RBFOX1: variants seen among roughly 807,000 people sequenced by gnomAD.
RBFOX1 encodes RNA binding protein fox-1 homolog 1.
In RBFOX1, 8 loss-of-function variants were observed where a neutral mutation model predicts 57.7. The observed-to-expected ratio is 0.14, with a 90% CI of 0.08 to 0.25. The LOEUF (loss-of-function observed/expected upper bound fraction) is 0.25, where lower values mean the gene tolerates loss of function less well. Among genes scored for constraint, RBFOX1 ranks in the 10% least tolerant of loss-of-function variants. RBFOX1 has a pLI of 1.00. For missense variants in RBFOX1, 611 were observed against 548.5 expected (o/e 1.11, Z -1.14); for synonymous variants, 326 against 222.4 (o/e 1.47, Z -4.15).
intron 4 of RBFOX1, among the ~76,000 whole-genome samples, chr16:7,138,553 C>T (rs557031918): frequency 1.3e-5 from 2 of 152,248 alleles, no homozygotes; most frequent in African/African-American, 2.4e-5. Flanking sequence ...TATTGTGAAA[C>T]AACGTTAATT....
At chr16:7,200,019 A>G (rs543766465) in intron 4 of RBFOX1, among the ~76,000 whole-genome samples, 3 of 152,376 alleles carry the variant, frequency 2.0e-5, no homozygotes, top group Admixed American at 6.5e-5. Flanking sequence ...GATAGTCACA[A>G]TCATAGAGCC....
intron 6 of RBFOX1, among the ~76,000 whole-genome samples, chr16:7,582,540 AC>A (rs2093853122): frequency 6.6e-6 from 1 of 152,154 alleles, no homozygotes; most frequent in Admixed American, 6.5e-5. Context: ...GTTATAGGAT[AC>A]ATTTAGTGGC....
intron 3 of RBFOX1, among the ~76,000 whole-genome samples, chr16:6,923,637 G>T (rs1371184631): frequency 6.6e-6 from 1 of 152,144 alleles, no homozygotes; most frequent in Non-Finnish European, 1.5e-5. Flanking sequence ...CAGCAGGGGA[G>T]CATGGAAGAT....
At chr16:6,017,987 T>A (rs536495735), upstream of RBFOX1, among the ~76,000 whole-genome samples, 2 of 152,318 alleles carry the variant, frequency 1.3e-5, no homozygotes, top group African/African-American at 2.4e-5. Flanking sequence ...CCTTGTCCAA[T>A]GCCACCTGCC....
At chr16:6,744,917 A>T (rs987705730) in intron 3 of RBFOX1, among the ~76,000 whole-genome samples, 2 of 152,126 alleles carry the variant, frequency 1.3e-5, no homozygotes, top group Admixed American at 1.3e-4. Context: ...TGAGAAAATT[A>T]GTAAAATCAA....
At chr16:7,355,151 A>G (rs1036912214) in intron 4 of RBFOX1, among the ~76,000 whole-genome samples, 4 of 152,168 alleles carry the variant, frequency 2.6e-5, no homozygotes, top group Admixed American at 6.5e-5. Flanking sequence ...AGAGATGTCA[A>G]TTGCTGAAGT....
At chr16:7,146,415 C>T (rs1035086972) in intron 4 of RBFOX1, among the ~76,000 whole-genome samples, 4 of 152,190 alleles carry the variant, frequency 2.6e-5, no homozygotes, top group African/African-American at 7.2e-5. Flanking sequence ...CTGAACCCCT[C>T]GCCTACCCAG....
intron 3 of RBFOX1, among the ~76,000 whole-genome samples, chr16:5,801,541 G>C (rs542267799): frequency 5.7e-4 from 87 of 152,264 alleles, no homozygotes; most frequent in Middle Eastern, 3.4e-3. Context: ...ACAGGCGCGG[G>C]AGCTGGGGTG....
chr16:6,367,881 A>G (rs1188867843), intron 2 of RBFOX1, among the ~76,000 whole-genome samples: 1 of 152,022 alleles, frequency 6.6e-6, no homozygotes, highest in Non-Finnish European at 1.5e-5. Flanking sequence ...TAAATCGTCA[A>G]CTCCTACTGT....
intron 3 of RBFOX1, among the ~76,000 whole-genome samples, chr16:6,700,635 G>C (rs775273581): frequency 1.3e-5 from 2 of 151,940 alleles, no homozygotes; most frequent in Non-Finnish European, 2.9e-5. Flanking sequence ...TCCAGCCTGG[G>C]CAACAAAAAC....
chr16:7,220,129 C>T (rs758311965), intron 4 of RBFOX1, among the ~76,000 whole-genome samples: 2 of 152,292 alleles, frequency 1.3e-5, no homozygotes, highest in Admixed American at 6.5e-5. Context: ...CAACAATTGT[C>T]CTAGCACCCA....
At chr16:6,160,718 C>T (rs1044110242) in intron 1 of RBFOX1, among the ~76,000 whole-genome samples, 9 of 152,180 alleles carry the variant, frequency 5.9e-5, no homozygotes, top group African/African-American at 2.2e-4. Context: ...CCTGGCACCA[C>T]TCCCATCTTG....
At chr16:5,845,605 C>G (rs1038909351) in intron 3 of RBFOX1, among the ~76,000 whole-genome samples, 1 of 152,200 alleles carries the variant, frequency 6.6e-6, no homozygotes, top group African/African-American at 2.4e-5. Flanking sequence ...CTGTGCTTTT[C>G]TTTGTTATTC....
chr16:5,809,305 A>C (rs1233138512), intron 3 of RBFOX1, among the ~76,000 whole-genome samples: 1 of 152,204 alleles, frequency 6.6e-6, no homozygotes, highest in African/African-American at 2.4e-5. Context: ...ATGGCAACAA[A>C]AGCCAAAATT....
intron 4 of RBFOX1, among the ~76,000 whole-genome samples, chr16:7,463,746 A>G (rs2059991681): frequency 6.6e-6 from 1 of 152,132 alleles, no homozygotes; most frequent in Non-Finnish European, 1.5e-5. Context: ...TGCCTACTAC[A>G]ATGATCTCAT....
intron 2 of RBFOX1, chr16:6,483,523 A>G: frequency 6.5e-7 from 1 of 1,531,660 alleles, no homozygotes; most frequent in Non-Finnish European, 8.7e-7. Flanking sequence ...AGCTAATTGC[A>G]GTCGTGGGAG....
chr16:7,373,847 G>C (rs1340266122), intron 4 of RBFOX1, among the ~76,000 whole-genome samples: 1 of 152,212 alleles, frequency 6.6e-6, no homozygotes, highest in Non-Finnish European at 1.5e-5. Context: ...ACGTTTTAAA[G>C]ATGCTCAGCT....
At chr16:5,966,990 T>TG (rs1567200417) in intron 4 of RBFOX1, among the ~76,000 whole-genome samples, 2 of 17,008 alleles carry the variant, frequency 1.2e-4, no homozygotes, top group Non-Finnish European at 2.7e-4. Context: ...TTGCACTAAA[T>TG]CGGGGGGGGG....
chr16:6,973,115 A>G (rs1008763844), intron 3 of RBFOX1, among the ~76,000 whole-genome samples: 1 of 151,898 alleles, frequency 6.6e-6, no homozygotes, highest in East Asian at 1.9e-4. Flanking sequence ...TGGGTGACGG[A>G]GCAAGACTCC....
Sources: gnomAD v4.1 joint callset for allele counts (sites outside exome capture counted in the v4.1 genomes callset) on GRCh38, gnomAD v4.1.1 for gene constraint, MANE v1.5 for transcripts, NCBI Gene and HGNC (gene_info 2026-07-23, HGNC 2026-07-21) for gene names.